The following CERS3 variants were observed in gnomAD, a reference collection of about 807,000 sequenced individuals.
CERS3 encodes the protein ceramide synthase 3, also known as LAG1 homolog, ceramide synthase 3.
Under a neutral mutation model 50.3 loss-of-function variants are expected in CERS3, and 33 were observed. The observed-to-expected ratio is 0.66, with a 90% confidence interval of 0.50 to 0.88. The LOEUF (loss-of-function observed/expected upper bound fraction) is 0.88, where lower values mean the gene tolerates loss of function less well. Ranked by LOEUF, CERS3 falls within the 40% of genes least tolerant of loss-of-function variation. The pLI is 0.00. For synonymous variants in CERS3, 176 were observed against 155.2 expected (o/e 1.13, Z -0.99); for missense variants, 470 against 460.3 (o/e 1.02, Z -0.19).
chr15:100,525,907 T>A (rs1180737020), intron 1 of CERS3, among the ~76,000 whole-genome samples: 1 of 152,136 alleles, frequency 6.6e-6, no homozygotes, highest in African/African-American at 2.4e-5. Flanking sequence ...GGCACAAGGA[T>A]TTTTTCAATC....
chr15:100,459,963 A>G (rs2142207821), intron 10 of CERS3, among the ~76,000 whole-genome samples: 1 of 152,082 alleles, frequency 6.6e-6, no homozygotes. Flanking sequence ...CTATTGGAGC[A>G]TTTATTTTTC....
chr15:100,466,737 T>TTTCTTTCC (rs2034729674), intron 10 of CERS3, among the ~76,000 whole-genome samples: 1 of 74,238 alleles, frequency 1.3e-5, no homozygotes, highest in African/African-American at 5.3e-5. Flanking sequence ...TCTTTCCTTC[T>TTTCTTTCC]TTCCTTCCTT....
intron 4 of CERS3, among the ~76,000 whole-genome samples, chr15:100,488,897 C>A (rs2035566569): frequency 6.6e-6 from 1 of 152,056 alleles, no homozygotes; most frequent in African/African-American, 2.4e-5. Flanking sequence ...CTGCCTCAGC[C>A]TCCCAAGTAG....
chr15:100,445,936 G>A (rs1470948790), intron 11 of CERS3, among the ~76,000 whole-genome samples: 8 of 152,156 alleles, frequency 5.3e-5, no homozygotes, highest in Non-Finnish European at 8.8e-5. Flanking sequence ...CTGCCTTAAC[G>A]ATGACGTTAT....
intron 9 of CERS3, among the ~76,000 whole-genome samples, chr15:100,471,587 T>G (rs1380757380): frequency 6.6e-6 from 1 of 152,174 alleles, no homozygotes; most frequent in Non-Finnish European, 1.5e-5. Context: ...GGTCTTAATC[T>G]TCTGTCAGGA....
At chr15:100,463,654 G>A (rs943774255) in intron 10 of CERS3, among the ~76,000 whole-genome samples, 7 of 152,098 alleles carry the variant, frequency 4.6e-5, no homozygotes, top group African/African-American at 1.7e-4. Context: ...GTGAGACAGT[G>A]AACACATGTG....
chr15:100,523,072 A>G (rs2036683847), intron 1 of CERS3, among the ~76,000 whole-genome samples: 1 of 152,202 alleles, frequency 6.6e-6, no homozygotes, highest in African/African-American at 2.4e-5. Context: ...CATTCCCCAG[A>G]AAGCTAACAA....
At chr15:100,407,847 TTTTA>T (rs924332396) in intron 11 of CERS3, among the ~76,000 whole-genome samples, 6 of 152,256 alleles carry the variant, frequency 3.9e-5, no homozygotes, top group South Asian at 2.1e-4. Flanking sequence ...TGCAACACCA[TTTTA>T]TTTATTTATT....
intron 3 of CERS3, among the ~76,000 whole-genome samples, chr15:100,494,847 T>C (rs1475277340): frequency 1.3e-5 from 2 of 152,230 alleles, no homozygotes; most frequent in Admixed American, 6.5e-5. Context: ...GCCATGAACA[T>C]GCATTAACCC....
chr15:100,428,571 G>A lies in CERS3; in HGVS notation c.1000-25706C>T, dbSNP rs368094320. Among the ~76,000 whole-genome samples, 3 of 152,168 alleles carry A rather than the reference G, an allele frequency of 2.0e-5. No individual in the cohort carries two copies. In the South Asian group the frequency reaches 6.2e-4, roughly 32 times the overall value. Reference sequence around the variant, plus strand: ...ATCATACTAGTGGCACCTCCCACTTGTGACAGACAAAAATGTCTCCACAGA... The same window carrying A: ...ATCATACTAGTGGCACCTCCCACTTATGACAGACAAAAATGTCTCCACAGA... On this transcript the variant is annotated intron_variant, in intron 11 of 11. Transcript: ENST00000679737.
rs766850607 is a variant in CERS3, at chr15:100,451,653, G to T, written c.999+4240C>A. 1.0e-3 allele frequency among the ~76,000 whole-genome samples: 159 copies of T among 152,120 alleles called. 4 individuals are homozygous for T. Among genetic ancestry groups the T allele is most frequent in the Non-Finnish European group, 3.2e-4 (22 of 68,038 alleles). On this transcript the variant is annotated intron_variant, in intron 11 of 11. Coordinates refer to ENST00000679737, the MANE Select transcript of CERS3 (RefSeq NM_001378789.1). ...ACCTGGGAGGCGGAGCTTGCAGTGA[G>T]CCAAGATCGTGCCTCTGCACTCTAG...
At chr15:100,488,798 G>A (rs1208108502) in intron 4 of CERS3, among the ~76,000 whole-genome samples, 1 of 121,850 alleles carries the variant, frequency 8.2e-6, no homozygotes, top group East Asian at 2.3e-4. Context: ...TTTTTTTTTA[G>A]ATGGAGTCTC....
At chr15:100,537,692 G>C (rs1375571803) in intron 1 of CERS3, among the ~76,000 whole-genome samples, 1 of 152,180 alleles carries the variant, frequency 6.6e-6, no homozygotes, top group Non-Finnish European at 1.5e-5. Flanking sequence ...GGACATGTGA[G>C]GATTATGGAA....
At chr15:100,403,519 A>G (rs1349676790) in intron 11 of CERS3, among the ~76,000 whole-genome samples, 1 of 152,192 alleles carries the variant, frequency 6.6e-6, no homozygotes, top group Non-Finnish European at 1.5e-5. Flanking sequence ...TGATAAAGAA[A>G]AAAGAGGGAA....
chr15:100,523,786 T>G (rs1255246618), intron 1 of CERS3, among the ~76,000 whole-genome samples: 4 of 151,876 alleles, frequency 2.6e-5, no homozygotes, highest in African/African-American at 4.8e-5. Context: ...TGCTGTTCAG[T>G]AGGAAGAAAA....
chr15:100,486,425 T>C (rs2035485962), intron 4 of CERS3, among the ~76,000 whole-genome samples: 1 of 152,220 alleles, frequency 6.6e-6, no homozygotes. Context: ...AGAGAATGTT[T>C]GCTACCCACC....
chr15:100,425,593 G>C (rs1049712376), intron 11 of CERS3, among the ~76,000 whole-genome samples: 5 of 152,142 alleles, frequency 3.3e-5, no homozygotes, highest in African/African-American at 1.2e-4. Context: ...TTGTGTCTTG[G>C]AACTAATTAA....
chr15:100,443,098 G>C (rs181038524), intron 11 of CERS3, among the ~76,000 whole-genome samples: 1 of 144,858 alleles, frequency 6.9e-6, no homozygotes, highest in East Asian at 2.2e-4. Context: ...CTATTCCTGG[G>C]CTACAGCCAC....
At chr15:100,444,240 T>C (rs1040319732) in intron 11 of CERS3, among the ~76,000 whole-genome samples, 3 of 152,146 alleles carry the variant, frequency 2.0e-5, no homozygotes, top group African/African-American at 7.2e-5. Context: ...ACTTCCAAAA[T>C]CTATTTTCTT....
Sources: gnomAD v4.1 joint callset for allele counts (sites outside exome capture counted in the v4.1 genomes callset) on GRCh38, gnomAD v4.1.1 for gene constraint, MANE v1.5 for transcripts, NCBI Gene and HGNC (gene_info 2026-07-23, HGNC 2026-07-21) for gene names.